Variants in NRG4 observed in about 807,000 individuals in gnomAD.
The protein encoded by NRG4 is neuregulin 4.
In NRG4, 10 loss-of-function variants were observed where a neutral mutation model predicts 15.0. The ratio of observed to expected loss-of-function variants is 0.67; its 90% confidence interval spans 0.41 to 1.13. NRG4 has a LOEUF of 1.13. NRG4 is among the 50% of genes most tolerant of loss of function. The pLI, the probability that NRG4 is intolerant of heterozygous loss-of-function variation, is 0.00. For missense variants in NRG4, 139 were observed against 140.2 expected, an observed-to-expected ratio of 0.99 and a Z score of 0.04; for synonymous variants, 41 against 50.1, an observed-to-expected ratio of 0.82 and a Z score of 0.77.
chr15:76,027,524 A>G (rs530225638), intron 5 of NRG4, among the ~76,000 whole-genome samples: 2 of 151,878 alleles, frequency 1.3e-5, no homozygotes, highest in African/African-American at 4.8e-5. Flanking sequence ...ATATGCACCA[A>G]GCACCAGAGC....
At position 76,052,062 on chromosome 15, in the gene NRG4, C is replaced by T. The variant is rs978926593; in HGVS notation, c.-105+5G>A. ...CCCAAAACATTAAAAAGAATGAATA[C>T]TTACCTGATCTGTCCTTGGATGAAA... On this transcript the variant is annotated splice_donor_5th_base_variant and intron_variant, in intron 4 of 8. Transcript: ENST00000563910. 2.7e-5 allele frequency: 4 copies of T among 150,848 alleles called. 1 individual carries two copies. The highest frequency in any genetic ancestry group is 4.9e-5 in the African/African-American group (2 of 40,428). The allele number at this position is 150,848 out of a possible 1,614,324, so 9.3% of individuals were successfully genotyped here. A position where few individuals can be genotyped will look rare whatever the true frequency, so the allele number is the denominator to read the frequency against.
At chr15:75,976,741 G>A (rs188490193) in intron 3 of NRG4, among the ~76,000 whole-genome samples, 1 of 152,286 alleles carries the variant, frequency 6.6e-6, no homozygotes, top group Non-Finnish European at 1.5e-5. Flanking sequence ...GCCAGCCAGA[G>A]GTCTCCTGTA....
downstream of NRG4, chr15:75,937,245 C>G (rs954279733): frequency 1.3e-5 from 2 of 150,448 alleles, no homozygotes; most frequent in East Asian, 3.9e-4. Flanking sequence ...CGTGGTGGCT[C>G]ACGCCTGTAA....
intron 5 of NRG4, among the ~76,000 whole-genome samples, chr15:75,953,500 C>G (rs868437412): frequency 3.9e-5 from 6 of 152,192 alleles, no homozygotes; most frequent in Middle Eastern, 3.4e-3. Flanking sequence ...GCCTATTTTG[C>G]CTTGTGTTTG....
At chr15:75,974,945 TG>T (rs201027336) in intron 3 of NRG4, among the ~76,000 whole-genome samples, 2,457 of 152,226 alleles carry the variant, frequency 0.016, 62 homozygotes, top group African/African-American at 0.055. Context: ...ATATTGACAG[TG>T]GGGTGTTAAA....
At chr15:76,054,241 C>T (rs2036096944) in intron 2 of NRG4, among the ~76,000 whole-genome samples, 1 of 150,438 alleles carries the variant, frequency 6.6e-6, no homozygotes, top group Non-Finnish European at 1.5e-5. Flanking sequence ...GTGCACACCA[C>T]CACATCTGGC....
chr15:75,946,772 C>T (rs1469799653), intron 5 of NRG4, among the ~76,000 whole-genome samples: 1 of 152,190 alleles, frequency 6.6e-6, no homozygotes, highest in Non-Finnish European at 1.5e-5. Flanking sequence ...AGTGAATTTG[C>T]CTATTCTAGG....
downstream of NRG4, chr15:75,940,452 GAT>G (rs1491199700): frequency 1.5e-5 from 2 of 137,250 alleles, no homozygotes; most frequent in Non-Finnish European, 3.2e-5. Flanking sequence ...AGAATCCTAG[GAT>G]TTTTTTTTTT....
chr15:75,947,359 A>G (rs953131424), intron 5 of NRG4, among the ~76,000 whole-genome samples: 1 of 152,150 alleles, frequency 6.6e-6, no homozygotes, highest in African/African-American at 2.4e-5. Flanking sequence ...GTAATAATCT[A>G]AGACTCCCAG....
At chr15:75,970,926 G>C (rs1451890064) in intron 3 of NRG4, among the ~76,000 whole-genome samples, 3 of 152,222 alleles carry the variant, frequency 2.0e-5, no homozygotes, top group Non-Finnish European at 2.9e-5. Flanking sequence ...TCCAGAGAAA[G>C]ACTGAAGCAG....
chr15:76,042,273 T>C (rs1036766122), intron 4 of NRG4, among the ~76,000 whole-genome samples: 7 of 149,198 alleles, frequency 4.7e-5, no homozygotes, highest in Admixed American at 1.3e-4. Context: ...CTAAAAGAAA[T>C]AGAAAAGCAA....
At chr15:75,947,521 T>A (rs1791190186) in intron 5 of NRG4, among the ~76,000 whole-genome samples, 1 of 152,202 alleles carries the variant, frequency 6.6e-6, no homozygotes, top group Non-Finnish European at 1.5e-5. Flanking sequence ...TGCATCTCTG[T>A]TTTGTGTCTC....
chr15:75,967,456 A>ATTTTTTTT (rs71140189), intron 3 of NRG4, among the ~76,000 whole-genome samples: 9 of 100,198 alleles, frequency 9.0e-5, no homozygotes, highest in East Asian at 6.6e-4. Flanking sequence ...AAAATCTTAG[A>ATTTTTTTT]TTTTTTTTTT....
chr15:76,033,506 T>C (rs1386428499), intron 5 of NRG4, among the ~76,000 whole-genome samples: 1 of 152,240 alleles, frequency 6.6e-6, no homozygotes, highest in Non-Finnish European at 1.5e-5. Flanking sequence ...TAAAAGAGAC[T>C]TTTATAATGT....
intron 5 of NRG4, among the ~76,000 whole-genome samples, chr15:76,021,474 T>A (rs921567455): frequency 6.6e-6 from 1 of 152,258 alleles, no homozygotes; most frequent in Non-Finnish European, 1.5e-5. Flanking sequence ...ATTGTGATAT[T>A]TGCTTTATTG....
Position 76,019,127 on chromosome 15 carries a change from A to G in NRG4, c.-56-7841T>C, listed in dbSNP as rs558965522. Among the ~76,000 whole-genome samples the G allele has an allele frequency of 1.6e-3, 243 of 152,072 alleles. 1 individual carries two copies. Among genetic ancestry groups the G allele is most frequent in the Non-Finnish European group, 3.0e-3 (203 of 67,948 alleles). On this transcript the variant is annotated intron_variant, in intron 5 of 8. Coordinates refer to the NRG4 transcript ENST00000563910. Reference sequence around the variant, plus strand: ...CGAACTTCCAGGCGGCTTTGTTTACACTGTGAGGGGAAAAACACCTACTCA... The same window carrying G: ...CGAACTTCCAGGCGGCTTTGTTTACGCTGTGAGGGGAAAAACACCTACTCA...
At chr15:75,949,359 T>C (rs540492647) in intron 5 of NRG4, among the ~76,000 whole-genome samples, 1 of 147,862 alleles carries the variant, frequency 6.8e-6, no homozygotes, top group Non-Finnish European at 1.5e-5. Context: ...TGCAGTATGC[T>C]GAGGTCATGC....
At chr15:76,050,441 T>G (rs1437181720) in intron 4 of NRG4, among the ~76,000 whole-genome samples, 2 of 134,432 alleles carry the variant, frequency 1.5e-5, no homozygotes, top group African/African-American at 6.2e-5. Context: ...GCCTTCGTTT[T>G]TTTTTTTTTT....
intron 5 of NRG4, 123 bp downstream of exon 5, chr15:75,955,809 A>C (rs1364331690): frequency 2.8e-5 from 13 of 467,186 alleles, no homozygotes; most frequent in Non-Finnish European, 4.1e-5. Context: ...AAAAAAAAAA[A>C]CCCATAGAAA....
Sources: allele counts gnomAD v4.1 joint callset (sites outside exome capture counted in the v4.1 genomes callset), GRCh38; gene constraint gnomAD v4.1.1; transcripts MANE v1.5; gene names NCBI Gene and HGNC (gene_info 2026-07-23, HGNC 2026-07-21).